The following NEURL1 variants were observed in gnomAD, a reference collection of about 807,000 sequenced individuals.
The protein encoded by NEURL1 is neuralized E3 ubiquitin protein ligase 1, also known as E3 ubiquitin-protein ligase NEURL1.
NEURL1 carries 26 observed loss-of-function variants against 41.2 expected under a neutral mutation model. The ratio of observed to expected loss-of-function variants is 0.63; its 90% CI spans 0.46 to 0.87. The LOEUF is 0.87. Among genes scored for constraint, NEURL1 ranks in the 40% least tolerant of loss-of-function variants. NEURL1 has a pLI of 0.00. For synonymous variants in NEURL1, 400 were observed against 402.3 expected, an observed-to-expected ratio of 0.99 and a Z score of 0.07; for missense variants, 761 against 871.1, an observed-to-expected ratio of 0.87 and a Z score of 1.59.
chr10:103,499,023 C>G (rs148638217), intron 1 of NEURL1, among the ~76,000 whole-genome samples: 261 of 152,294 alleles, frequency 1.7e-3, no homozygotes, highest in African/African-American at 6.0e-3. Context: ...TGTTTGAACA[C>G]CTGTTTTCGG....
rs1000987486 is a variant in NEURL1, at chr10:103,556,520, C to T, written c.86-14352C>T. The stretch of plus-strand genomic sequence containing the variant: ...GAAGGAAGGAGGGTGGTGGCAGGAG[C>T]GCATGGGCAGCCGCAGCCGGAACTG... On this transcript the variant is annotated intron_variant, in intron 1 of 5. Coordinates refer to ENST00000369780, the MANE Select transcript of NEURL1 (RefSeq NM_004210.5). This position sits in a 1 kb window ranked among gnomAD's most constrained non-coding sequence, Gnocchi z 4.4. Among the ~76,000 whole-genome samples the T allele has an allele frequency of 2.6e-5, 4 of 152,072 alleles. No individual in the cohort carries two copies. Among genetic ancestry groups the T allele is most frequent in the Admixed American group, 6.5e-5 (1 of 15,276 alleles).
chr10:103,574,961 GA>G (rs2133879550), intron 3 of NEURL1, among the ~76,000 whole-genome samples: 1 of 150,908 alleles, frequency 6.6e-6, no homozygotes, highest in Admixed American at 6.6e-5. Flanking sequence ...TTGGCAGATT[GA>G]GATATCCCTT....
intron 3 of NEURL1, among the ~76,000 whole-genome samples, chr10:103,582,616 G>GA (rs1413071376): frequency 6.6e-6 from 1 of 151,992 alleles, no homozygotes; most frequent in Non-Finnish European, 1.5e-5. Flanking sequence ...TGAAAGAAAA[G>GA]AGGGAGGTTT....
At chr10:103,503,788 CTTTTTT>C (rs56098530) in intron 1 of NEURL1, among the ~76,000 whole-genome samples, 4 of 110,586 alleles carry the variant, frequency 3.6e-5, no homozygotes, top group Non-Finnish European at 6.9e-5. Flanking sequence ...CTCCCCCTGG[CTTTTTT>C]TTTTTTTTTT....
intron 1 of NEURL1, among the ~76,000 whole-genome samples, chr10:103,547,152 A>T (rs890119883): frequency 2.6e-5 from 4 of 152,388 alleles, no homozygotes; most frequent in Admixed American, 6.5e-5. Context: ...CAGAAGAGGA[A>T]ATGGACACTT....
chr10:103,560,086 C>T (rs1288799462), intron 1 of NEURL1, among the ~76,000 whole-genome samples: 2 of 152,088 alleles, frequency 1.3e-5, no homozygotes, highest in African/African-American at 2.4e-5. Flanking sequence ...CATACACACT[C>T]ACCTGCTGCC....
At chr10:103,589,338 C>T (rs577933137) in intron 4 of NEURL1, among the ~76,000 whole-genome samples, 176 bp from the exon 5 acceptor site, 5 of 152,326 alleles carry the variant, frequency 3.3e-5, no homozygotes, top group African/African-American at 1.2e-4. Flanking sequence ...AGCTGATTAG[C>T]TATACTCCAC....
At chr10:103,555,170 T>G in intron 1 of NEURL1, 1 of 307,004 alleles carries the variant, frequency 3.3e-6, no homozygotes, top group Non-Finnish European at 4.5e-6. Context: ...CGTGCGCGTG[T>G]GGCCGGCTGG....
At position 103,558,408 on chromosome 10, in the gene NEURL1, G is replaced by A. The variant is rs988246861; in HGVS notation, c.86-12464G>A. On this transcript the variant is annotated intron_variant, in intron 1 of 5. Transcript: ENST00000369780. This position sits in a 1 kb window ranked among gnomAD's most constrained non-coding sequence, Gnocchi z 4.2. ...AGATCTCTGTGTACCTGTGTGATGTGTCTCTAACTGTGGATTGAAGCGACT... is the reference window on the plus strand; with the variant it reads ...AGATCTCTGTGTACCTGTGTGATGTATCTCTAACTGTGGATTGAAGCGACT... Among the ~76,000 whole-genome samples the A allele has an allele frequency of 6.6e-6, 1 of 152,062 alleles. No individual in the cohort carries two copies. The highest frequency in any genetic ancestry group is 1.5e-5 in the Non-Finnish European group (1 of 68,016).
At chr10:103,589,800 A>G in intron 5 of NEURL1, 140 bp downstream of exon 5, 1 of 1,208,080 alleles carries the variant, frequency 8.3e-7, no homozygotes, top group Non-Finnish European at 1.2e-6. Flanking sequence ...TTCTGGGGTC[A>G]TCCCCTCCTG....
intron 1 of NEURL1, among the ~76,000 whole-genome samples, chr10:103,502,549 A>G (rs1673730346): frequency 6.6e-6 from 1 of 152,142 alleles, no homozygotes; most frequent in Non-Finnish European, 1.5e-5. Flanking sequence ...GACCTCATTT[A>G]ACTTAATTAC....
chr10:103,548,451 C>T (rs1383998647), intron 1 of NEURL1, among the ~76,000 whole-genome samples: 2 of 151,932 alleles, frequency 1.3e-5, no homozygotes, highest in African/African-American at 4.8e-5. Context: ...GCCTCCCGAG[C>T]AGCTGGGATT....
At chr10:103,553,250 C>T (rs2035071880) in intron 1 of NEURL1, among the ~76,000 whole-genome samples, 1 of 152,218 alleles carries the variant, frequency 6.6e-6, no homozygotes, top group African/African-American at 2.4e-5. Context: ...AAATGCGTCA[C>T]ACGCTCAGGG....
At chr10:103,509,661 TAAG>T (rs1227099629) in intron 1 of NEURL1, among the ~76,000 whole-genome samples, 1 of 152,224 alleles carries the variant, frequency 6.6e-6, no homozygotes, top group Non-Finnish European at 1.5e-5. Flanking sequence ...CATTTCTGTA[TAAG>T]AAGAGGCCAG....
At chr10:103,546,799 G>A (rs1305343183) in intron 1 of NEURL1, among the ~76,000 whole-genome samples, 3 of 152,264 alleles carry the variant, frequency 2.0e-5, no homozygotes, top group African/African-American at 7.2e-5. Flanking sequence ...GCCCCTTCAG[G>A]GGAGCCAGGT....
Position 103,493,812 on chromosome 10 carries a change from C to T in NEURL1, c.-576C>T, listed in dbSNP as rs2033611524. ...CGGCGGTCGCAGGAGGGACCCGGCG[C>T]GGGCGGGACCGCGGCGGTCGGGGGA... is the stretch of plus-strand genomic sequence containing the variant. On this transcript the variant is annotated 5_prime_UTR_variant, in exon 1 of 6. Coordinates refer to ENST00000369780, the MANE Select transcript of NEURL1 (RefSeq NM_004210.5). 6.6e-6 allele frequency among the ~76,000 whole-genome samples: 1 copy of T among 151,500 alleles called. No homozygotes were observed. The highest frequency in any genetic ancestry group is 1.5e-5 in the Non-Finnish European group (1 of 67,784).
chr10:103,559,725 C>T (rs550306746), intron 1 of NEURL1, among the ~76,000 whole-genome samples: 6 of 152,124 alleles, frequency 3.9e-5, no homozygotes, highest in East Asian at 3.9e-4. Context: ...AGCCAGTGGA[C>T]GCTAAGGGCA....
At chr10:103,507,391 C>G (rs1334483477) in intron 1 of NEURL1, among the ~76,000 whole-genome samples, 1 of 152,102 alleles carries the variant, frequency 6.6e-6, no homozygotes, top group Non-Finnish European at 1.5e-5. Flanking sequence ...AGGGGCCAGG[C>G]AGGAGTCCAC....
At chr10:103,513,166 C>T (rs1185367268) in intron 1 of NEURL1, among the ~76,000 whole-genome samples, 2 of 152,322 alleles carry the variant, frequency 1.3e-5, no homozygotes, top group East Asian at 1.9e-4. Context: ...TGGCAGCCCC[C>T]AGGTCTGCTG....
Sources: gnomAD v4.1 joint callset for allele counts (sites outside exome capture counted in the v4.1 genomes callset) on GRCh38, gnomAD v4.1.1 for gene constraint, Gnocchi (gnomAD v3.1) non-coding constraint, MANE v1.5 for transcripts, NCBI Gene and HGNC (gene_info 2026-07-23, HGNC 2026-07-21) for gene names.